The following RSPO3 variants were observed in gnomAD, a reference collection of about 807,000 sequenced individuals.
The protein encoded by RSPO3 is R-spondin-3.
RSPO3 carries 17 observed loss-of-function variants against 36.5 expected under a neutral mutation model. That is an observed-to-expected ratio of 0.47 (90% CI 0.32 to 0.70). The LOEUF is 0.70. RSPO3 is among the 30% of genes least tolerant of loss of function. The pLI is 0.04. For synonymous variants in RSPO3, 108 were observed against 107.0 expected, an observed-to-expected ratio of 1.01 and a Z score of -0.06; for missense variants, 294 against 322.5, an observed-to-expected ratio of 0.91 and a Z score of 0.68.
At chr6:127,148,555 C>T in intron 1 of RSPO3, 93 bp from the exon 2 acceptor site, 1 of 927,414 alleles carries the variant, frequency 1.1e-6, no homozygotes, top group Admixed American at 2.9e-5. Flanking sequence ...AAATTGAAAG[C>T]TAATGAAAGA....
At chr6:127,184,936 AT>A (rs752084625) in intron 4 of RSPO3, among the ~76,000 whole-genome samples, 32 of 151,926 alleles carry the variant, frequency 2.1e-4, no homozygotes, top group Non-Finnish European at 4.0e-4. Flanking sequence ...TATATAAAAA[AT>A]ATATACACAC....
intron 4 of RSPO3, among the ~76,000 whole-genome samples, chr6:127,183,366 T>C (rs1272702985): frequency 6.6e-6 from 1 of 151,950 alleles, no homozygotes; most frequent in Non-Finnish European, 1.5e-5. Flanking sequence ...ATGATATAGC[T>C]CTCTGGAGTT....
chr6:127,186,258 T>C (rs11759578), intron 4 of RSPO3, among the ~76,000 whole-genome samples: 5,395 of 152,216 alleles, frequency 0.035, 118 homozygotes, highest in South Asian at 0.062. Context: ...TTCCAGAACA[T>C]GTATTTTAAG....
At chr6:127,190,743 T>C (rs895401216) in intron 4 of RSPO3, among the ~76,000 whole-genome samples, 1 of 152,216 alleles carries the variant, frequency 6.6e-6, no homozygotes, top group African/African-American at 2.4e-5. Context: ...TCTTGGGAAG[T>C]GAACTACTTA....
chr6:127,153,047 G>A (rs1171895767), intron 3 of RSPO3, among the ~76,000 whole-genome samples: 3 of 152,000 alleles, frequency 2.0e-5, no homozygotes, highest in Non-Finnish European at 4.4e-5. Flanking sequence ...TTGCCAATTC[G>A]GGAATCCCTT....
intron 4 of RSPO3, among the ~76,000 whole-genome samples, chr6:127,164,059 C>G (rs1201149472): frequency 1.3e-5 from 2 of 151,998 alleles, no homozygotes; most frequent in Non-Finnish European, 2.9e-5. Context: ...TGGGCAGCTC[C>G]AAGTCTATAT....
intron 4 of RSPO3, 53 bp downstream of exon 4, chr6:127,155,491 T>C: frequency 6.6e-7 from 1 of 1,509,628 alleles, no homozygotes; most frequent in Non-Finnish European, 9.1e-7. Flanking sequence ...ATCTGTTGCA[T>C]TTTTCATTTT....
intron 3 of RSPO3, among the ~76,000 whole-genome samples, chr6:127,154,951 T>C (rs1774562967): frequency 1.3e-5 from 2 of 152,128 alleles, no homozygotes; most frequent in Admixed American, 1.3e-4. Flanking sequence ...TATAAAGAAT[T>C]GATCAATTTT....
chr6:127,192,156 C>A (rs537516311), intron 4 of RSPO3, among the ~76,000 whole-genome samples: 4 of 152,286 alleles, frequency 2.6e-5, no homozygotes, highest in Non-Finnish European at 2.9e-5. Context: ...TCCCACTGTA[C>A]CCCCAACAGG....
At chr6:127,160,641 C>G (rs1774691869) in intron 4 of RSPO3, among the ~76,000 whole-genome samples, 1 of 152,184 alleles carries the variant, frequency 6.6e-6, no homozygotes, top group African/African-American at 2.4e-5. Flanking sequence ...AGGGTGGTAA[C>G]TTCTACGTCA....
chr6:127,172,693 ATTAT>A (rs1774964487), intron 4 of RSPO3, among the ~76,000 whole-genome samples: 1 of 151,756 alleles, frequency 6.6e-6, no homozygotes, highest in South Asian at 2.1e-4. Flanking sequence ...TAATAATAAT[ATTAT>A]TTGTTTAAAT....
intron 4 of RSPO3, among the ~76,000 whole-genome samples, chr6:127,195,354 C>A (rs954055487): frequency 6.6e-6 from 1 of 152,028 alleles, no homozygotes; most frequent in African/African-American, 2.4e-5. Context: ...TTTTTTATAG[C>A]GATAAGGTCT....
intron 1 of RSPO3, among the ~76,000 whole-genome samples, chr6:127,136,290 T>C (rs1338136769): frequency 6.6e-6 from 1 of 152,174 alleles, no homozygotes; most frequent in African/African-American, 2.4e-5. Flanking sequence ...TTTATTTCCT[T>C]ACTCCAAGAT....
intron 4 of RSPO3, among the ~76,000 whole-genome samples, chr6:127,183,395 C>A (rs1775227902): frequency 6.6e-6 from 1 of 151,846 alleles, no homozygotes; most frequent in Admixed American, 6.6e-5. Flanking sequence ...TCTCTTGAAG[C>A]TGATATTGGA....
intron 1 of RSPO3, among the ~76,000 whole-genome samples, chr6:127,130,903 C>T (rs932356156): frequency 2.0e-5 from 3 of 152,058 alleles, no homozygotes; most frequent in African/African-American, 7.2e-5. Flanking sequence ...AAGGTCCAAA[C>T]ATGGTATCCT....
chr6:127,119,863 G>GGC (rs1773804856), intron 1 of RSPO3: 1 of 152,318 alleles, frequency 6.6e-6, no homozygotes, highest in Non-Finnish European at 1.5e-5. Flanking sequence ...GGAGCCAAAG[G>GGC]GCGCGCGAGG....
intron 4 of RSPO3, among the ~76,000 whole-genome samples, chr6:127,186,352 C>T (rs574374360): frequency 2.6e-5 from 4 of 152,068 alleles, no homozygotes; most frequent in Admixed American, 2.0e-4. Context: ...TTAAACTCTA[C>T]ATAAAAGCTA....
chr6:127,181,437 G>A (rs1775184703), intron 4 of RSPO3, among the ~76,000 whole-genome samples: 1 of 151,884 alleles, frequency 6.6e-6, no homozygotes, highest in Admixed American at 6.6e-5. Flanking sequence ...AGTGATGCCT[G>A]AAAAGAGTTG....
chr6:127,152,640 G>T (rs1168969800), intron 3 of RSPO3, among the ~76,000 whole-genome samples: 1 of 152,016 alleles, frequency 6.6e-6, no homozygotes, highest in Non-Finnish European at 1.5e-5. Flanking sequence ...TTTCTATCGA[G>T]ATTTTAAATT....
Sources: gnomAD v4.1 joint callset for allele counts (sites outside exome capture counted in the v4.1 genomes callset) on GRCh38, gnomAD v4.1.1 for gene constraint, MANE v1.5 for transcripts, NCBI Gene and HGNC (gene_info 2026-07-23, HGNC 2026-07-21) for gene names.